The following SCLT1 variants were observed in gnomAD, a reference collection of about 807,000 sequenced individuals.
SCLT1 encodes the protein sodium channel and clathrin linker 1.
SCLT1 carries 78 observed loss-of-function variants against 112.8 expected under a neutral mutation model. The observed-to-expected ratio is 0.69, with a 90% confidence interval of 0.58 to 0.83. SCLT1 has a LOEUF of 0.83. SCLT1 is among the 40% of genes least tolerant of loss of function. The pLI, the probability that SCLT1 is intolerant of heterozygous loss-of-function variation, is 0.00. For missense variants in SCLT1, 747 were observed against 770.4 expected (o/e 0.97, Z 0.36); for synonymous variants, 257 against 254.7 (o/e 1.01, Z -0.09).
chr4:129,025,588 C>G (rs1745981089), intron 5 of SCLT1, among the ~76,000 whole-genome samples: 1 of 152,140 alleles, frequency 6.6e-6, no homozygotes, highest in African/African-American at 2.4e-5. Flanking sequence ...CCAGCCACTG[C>G]AAAATCATGC....
intron 18 of SCLT1, among the ~76,000 whole-genome samples, chr4:128,904,934 T>C (rs1437557324): frequency 1.3e-5 from 2 of 152,132 alleles, no homozygotes; most frequent in African/African-American, 4.8e-5. Context: ...CTGGAGAACT[T>C]TGGGTCAGTG....
intron 2 of SCLT1, among the ~76,000 whole-genome samples, chr4:129,053,744 C>A (rs1186225796): frequency 6.6e-6 from 1 of 151,596 alleles, no homozygotes; most frequent in East Asian, 1.9e-4. Flanking sequence ...GGGCATTTAG[C>A]CCATTTACGT....
intron 20 of SCLT1, among the ~76,000 whole-genome samples, chr4:128,885,298 T>G (rs1282204556): frequency 6.6e-6 from 1 of 152,196 alleles, no homozygotes; most frequent in Middle Eastern, 3.2e-3. Flanking sequence ...GAAGTCTCGT[T>G]CCCATTGCTG....
chr4:128,961,391 T>C (rs1739716746), intron 11 of SCLT1, among the ~76,000 whole-genome samples: 1 of 152,186 alleles, frequency 6.6e-6, no homozygotes, highest in Admixed American at 6.5e-5. Flanking sequence ...AATATCATAA[T>C]TTACTAGTAG....
intron 9 of SCLT1, among the ~76,000 whole-genome samples, chr4:128,987,388 T>C (rs568468957): frequency 6.6e-6 from 1 of 152,202 alleles, no homozygotes; most frequent in Admixed American, 6.5e-5. Flanking sequence ...GACGGAGATA[T>C]GTGACATTTC....
At chr4:129,039,663 A>C (rs1164678339) in intron 4 of SCLT1, 1 of 158,138 alleles carries the variant, frequency 6.3e-6, no homozygotes, top group East Asian at 1.8e-4. Context: ...GAAAAATAGT[A>C]GGAAAGATGG....
chr4:128,970,179 A>G (rs1394244549), intron 10 of SCLT1, among the ~76,000 whole-genome samples, 199 bp downstream of exon 10: 2 of 152,188 alleles, frequency 1.3e-5, no homozygotes, highest in Non-Finnish European at 2.9e-5. Context: ...GAATTAGGCT[A>G]TAGAGAATGG....
intron 9 of SCLT1, among the ~76,000 whole-genome samples, chr4:128,979,599 C>T (rs1337257780): frequency 6.6e-6 from 1 of 152,114 alleles, no homozygotes; most frequent in East Asian, 1.9e-4. Flanking sequence ...ATAGCAGCCC[C>T]AATGGATTAA....
intron 5 of SCLT1, among the ~76,000 whole-genome samples, chr4:129,025,021 C>G (rs1219041610): frequency 6.6e-6 from 1 of 152,180 alleles, no homozygotes; most frequent in Non-Finnish European, 1.5e-5. Context: ...AAGAAACAAA[C>G]AAAGCCTCCA....
chr4:128,945,944 A>G, intron 16 of SCLT1, 63 bp downstream of exon 16: 1 of 1,172,292 alleles, frequency 8.5e-7, no homozygotes, highest in Non-Finnish European at 1.2e-6. Flanking sequence ...AAGGTAGCGA[A>G]TCTGTCAAAA....
At chr4:128,943,268 A>C in intron 16 of SCLT1, 80 bp from the exon 17 acceptor site, 1 of 993,608 alleles carries the variant, frequency 1.0e-6, no homozygotes, top group South Asian at 1.8e-5. Flanking sequence ...ACATTTTATC[A>C]CATGGACTTT....
At chr4:129,058,112 C>A (rs1042311255) in intron 2 of SCLT1, among the ~76,000 whole-genome samples, 3 of 151,890 alleles carry the variant, frequency 2.0e-5, no homozygotes, top group Non-Finnish European at 4.4e-5. Context: ...TTATTTGGAT[C>A]TTTTCACTTT....
At chr4:128,985,311 G>C (rs1295452801) in intron 9 of SCLT1, among the ~76,000 whole-genome samples, 2 of 151,994 alleles carry the variant, frequency 1.3e-5, no homozygotes, top group Non-Finnish European at 2.9e-5. Flanking sequence ...AATATATATT[G>C]ATATATCCAT....
At chr4:129,003,353 C>G (rs765800864) in intron 6 of SCLT1, among the ~76,000 whole-genome samples, 11 of 150,142 alleles carry the variant, frequency 7.3e-5, no homozygotes, top group Non-Finnish European at 1.3e-4. Flanking sequence ...TTGATGGGTG[C>G]AGCAAACCAC....
At chr4:129,054,827 G>A (rs998630655) in intron 2 of SCLT1, among the ~76,000 whole-genome samples, 6 of 152,128 alleles carry the variant, frequency 3.9e-5, no homozygotes, top group Non-Finnish European at 5.9e-5. Context: ...GTGGTGAAGA[G>A]GAATTCTGGT....
chr4:129,065,530 C>T (rs1214700578), intron 2 of SCLT1, among the ~76,000 whole-genome samples: 1 of 152,016 alleles, frequency 6.6e-6, no homozygotes, highest in African/African-American at 2.4e-5. Flanking sequence ...AAGCCTGTTG[C>T]TGTAGCACAA....
chr4:129,057,335 C>T (rs1749495929), intron 2 of SCLT1, among the ~76,000 whole-genome samples: 1 of 151,538 alleles, frequency 6.6e-6, no homozygotes, highest in South Asian at 2.1e-4. Flanking sequence ...GTAATGCTGG[C>T]CTTGTGGGAT....
intron 18 of SCLT1, among the ~76,000 whole-genome samples, chr4:128,903,956 C>T (rs1257700809): frequency 6.6e-6 from 1 of 152,130 alleles, no homozygotes; most frequent in Non-Finnish European, 1.5e-5. Flanking sequence ...AGTGGTATTA[C>T]AGTTGAAACA....
intron 13 of SCLT1, among the ~76,000 whole-genome samples, chr4:128,955,009 C>T (rs1481238019): frequency 6.6e-6 from 1 of 152,140 alleles, no homozygotes; most frequent in Admixed American, 6.5e-5. Context: ...TTTTGAAATA[C>T]ATTTATAGTA....
Sources: gnomAD v4.1 joint callset for allele counts (sites outside exome capture counted in the v4.1 genomes callset) on GRCh38, gnomAD v4.1.1 for gene constraint, MANE v1.5 for transcripts, NCBI Gene and HGNC (gene_info 2026-07-23, HGNC 2026-07-21) for gene names.